GAS2: variants seen among roughly 807,000 people sequenced by gnomAD.
The protein encoded by GAS2 is growth arrest specific 2.
A neutral mutation model predicts 37.5 loss-of-function variants in GAS2; 20 were observed. The observed-to-expected ratio is 0.53, with a 90% CI of 0.37 to 0.77. The LOEUF is 0.77. GAS2 is among the 30% of genes least tolerant of loss of function. The probability of loss-of-function intolerance (pLI) is 0.00; values close to 1 mark genes in which losing one functional copy is unlikely to be tolerated. For synonymous variants in GAS2, 144 were observed against 132.2 expected (o/e 1.09, Z -0.61); for missense variants, 336 against 373.4 (o/e 0.90, Z 0.82).
At chr11:22,763,651 ACACACACACG>A (rs1854521952) in intron 7 of GAS2, among the ~76,000 whole-genome samples, 1 of 142,164 alleles carries the variant, frequency 7.0e-6, no homozygotes, top group African/African-American at 2.7e-5. Context: ...ACACACACAC[ACACACACACG>A]TCATCTAATT....
chr11:22,684,001 G>C (rs550590789), intron 2 of GAS2, among the ~76,000 whole-genome samples: 2 of 152,190 alleles, frequency 1.3e-5, no homozygotes, highest in Non-Finnish European at 2.9e-5. Flanking sequence ...TGTACTGGAT[G>C]AATCTCCCTC....
chr11:22,728,819 C>A (rs1590720623), intron 4 of GAS2, among the ~76,000 whole-genome samples: 1 of 150,562 alleles, frequency 6.6e-6, no homozygotes. Context: ...TCATGATAAT[C>A]AGGAGGAAGG....
intron 3 of GAS2, among the ~76,000 whole-genome samples, chr11:22,719,575 T>C (rs756907734): frequency 5.3e-5 from 8 of 152,108 alleles, no homozygotes; most frequent in Non-Finnish European, 1.0e-4. Flanking sequence ...CCAATATAAT[T>C]ACATACAGAA....
intron 7 of GAS2, among the ~76,000 whole-genome samples, chr11:22,757,853 C>A (rs1854134556): frequency 6.6e-6 from 1 of 151,240 alleles, no homozygotes; most frequent in Non-Finnish European, 1.5e-5. Flanking sequence ...TCATTTCCAC[C>A]CTGAAGGAGT....
intron 7 of GAS2, among the ~76,000 whole-genome samples, chr11:22,767,912 A>C (rs1216895264): frequency 6.6e-6 from 1 of 152,032 alleles, no homozygotes; most frequent in Non-Finnish European, 1.5e-5. Context: ...CTTGTCTTGC[A>C]TTTCCCTTTA....
intron 3 of GAS2, 101 bp from the exon 4 acceptor site, chr11:22,726,191 C>A: frequency 8.6e-7 from 1 of 1,159,168 alleles, no homozygotes; most frequent in Non-Finnish European, 1.2e-6. Flanking sequence ...TACTTATTGG[C>A]ATGAGGTAAT....
chr11:22,766,912 A>G (rs1320638401), intron 7 of GAS2, among the ~76,000 whole-genome samples: 1 of 152,158 alleles, frequency 6.6e-6, no homozygotes, highest in Non-Finnish European at 1.5e-5. Context: ...ATGAATTTGC[A>G]TTTTGTATCA....
chr11:22,659,973 A>G (rs970230044), intron 1 of GAS2, among the ~76,000 whole-genome samples: 1 of 152,126 alleles, frequency 6.6e-6, no homozygotes, highest in African/African-American at 2.4e-5. Flanking sequence ...TGTTGCTTCA[A>G]ATAAGTTGCT....
intron 7 of GAS2, among the ~76,000 whole-genome samples, chr11:22,776,725 G>A (rs1408410630): frequency 4.6e-5 from 7 of 152,310 alleles, no homozygotes; most frequent in African/African-American, 1.7e-4. Context: ...TGTAGTTGAA[G>A]AGAGTTTCAG....
intron 1 of GAS2, among the ~76,000 whole-genome samples, chr11:22,650,826 T>C (rs960673568): frequency 2.0e-5 from 3 of 152,052 alleles, no homozygotes; most frequent in African/African-American, 7.2e-5. Flanking sequence ...GCCCGTGAGA[T>C]GGGTTTCCTG....
chr11:22,766,781 C>A (rs191042988), intron 7 of GAS2, among the ~76,000 whole-genome samples: 2 of 152,256 alleles, frequency 1.3e-5, no homozygotes, highest in East Asian at 3.9e-4. Context: ...AACTAAGGAA[C>A]ATTTACAATT....
intron 1 of GAS2, among the ~76,000 whole-genome samples, chr11:22,635,417 G>A (rs1254430043): frequency 1.3e-5 from 2 of 152,130 alleles, no homozygotes; most frequent in South Asian, 4.1e-4. Context: ...GCCTCACCTG[G>A]CCCCTACACA....
intron 7 of GAS2, among the ~76,000 whole-genome samples, chr11:22,762,527 T>A (rs1293028528): frequency 6.6e-6 from 1 of 152,178 alleles, no homozygotes; most frequent in East Asian, 1.9e-4. Context: ...TAAATGCAAA[T>A]ATCTTATTCA....
intron 7 of GAS2, among the ~76,000 whole-genome samples, chr11:22,792,189 G>T (rs528547714): frequency 1.3e-5 from 2 of 151,972 alleles, no homozygotes; most frequent in Non-Finnish European, 2.9e-5. Flanking sequence ...TGAGAGAGGT[G>T]GACTAAACAA....
chr11:22,633,121 T>C (rs535438805), intron 1 of GAS2, among the ~76,000 whole-genome samples: 1 of 152,228 alleles, frequency 6.6e-6, no homozygotes, highest in Non-Finnish European at 1.5e-5. Context: ...TGTGGTGTTA[T>C]AGAATCATGT....
intron 1 of GAS2, among the ~76,000 whole-genome samples, chr11:22,640,762 C>T (rs1248125518): frequency 6.6e-6 from 1 of 152,048 alleles, no homozygotes; most frequent in African/African-American, 2.4e-5. Context: ...AATTTTTTCA[C>T]CACGTATGTA....
In GAS2 at chr11:22,780,414, G is replaced by C. The variant is rs185265301; in HGVS notation, c.723+24461G>C. 5.6e-4 allele frequency among the ~76,000 whole-genome samples: 85 copies of C among 152,154 alleles called. 2 individuals are homozygous for C. In the South Asian group the frequency reaches 0.014, roughly 26 times the overall value. ...GAAGCCAGAGGCAGGAGAATTGCTT[G>C]AACCTGGGAGGCAGAGGCTGCAGTG... On this transcript the variant is annotated intron_variant, in intron 7 of 7. Coordinates refer to ENST00000454584, the MANE Select transcript of GAS2 (RefSeq NM_001143830.3).
intron 7 of GAS2, among the ~76,000 whole-genome samples, chr11:22,775,357 AT>A (rs1297518359): frequency 2.0e-5 from 3 of 152,070 alleles, no homozygotes; most frequent in Non-Finnish European, 4.4e-5. Flanking sequence ...AGGTATATAT[AT>A]TATTATCTAC....
chr11:22,692,002 A>G (rs1035193335), intron 3 of GAS2, among the ~76,000 whole-genome samples: 7 of 152,076 alleles, frequency 4.6e-5, no homozygotes, highest in African/African-American at 1.7e-4. Context: ...GTTCTATACT[A>G]TCTTCCAGAG....
Sources: gnomAD v4.1 joint callset for allele counts (sites outside exome capture counted in the v4.1 genomes callset) on GRCh38, gnomAD v4.1.1 for gene constraint, MANE v1.5 for transcripts, NCBI Gene and HGNC (gene_info 2026-07-23, HGNC 2026-07-21) for gene names.